The following LRRFIP1 variants were observed in gnomAD, a reference collection of about 807,000 sequenced individuals.
LRRFIP1 encodes the protein leucine-rich repeat flightless-interacting protein 1.
A neutral mutation model predicts 104.4 loss-of-function variants in LRRFIP1; 62 were observed. The observed-to-expected ratio is 0.59, with a 90% confidence interval of 0.48 to 0.73. LRRFIP1 has a LOEUF of 0.73. Ranked by LOEUF, LRRFIP1 falls within the 30% of genes least tolerant of loss-of-function variation. The pLI is 0.00. For synonymous variants in LRRFIP1, 300 were observed against 299.0 expected, an observed-to-expected ratio of 1.00 and a Z score of -0.03; for missense variants, 796 against 824.5, an observed-to-expected ratio of 0.97 and a Z score of 0.42.
chr2:237,631,263 G>T (rs766226346), intron 1 of LRRFIP1, among the ~76,000 whole-genome samples: 1 of 152,246 alleles, frequency 6.6e-6, no homozygotes, highest in Non-Finnish European at 1.5e-5. Flanking sequence ...TGGCAGGGAC[G>T]TGGGTTCCAG....
chr2:237,757,623 A>G (rs1458940078), intron 17 of LRRFIP1, 75 bp downstream of exon 17: 2 of 1,130,210 alleles, frequency 1.8e-6, no homozygotes, highest in African/African-American at 1.6e-5. Flanking sequence ...CAGAGTCTTT[A>G]GTTTGCAAAA....
At chr2:237,758,254 A>G (rs1204386574) in intron 17 of LRRFIP1, among the ~76,000 whole-genome samples, 1 of 145,932 alleles carries the variant, frequency 6.9e-6, no homozygotes, top group Non-Finnish European at 1.5e-5. Flanking sequence ...GTCTGCATGC[A>G]CGCACACTTT....
At chr2:237,650,008 G>A (rs1263321386) in intron 1 of LRRFIP1, among the ~76,000 whole-genome samples, 1 of 152,038 alleles carries the variant, frequency 6.6e-6, no homozygotes, top group African/African-American at 2.4e-5. Context: ...CCGGGCACTG[G>A]GGACACTGTA....
At chr2:237,719,418 C>A in intron 4 of LRRFIP1, 105 bp from the exon 5 acceptor site, 1 of 695,928 alleles carries the variant, frequency 1.4e-6, no homozygotes, top group Non-Finnish European at 2.5e-6. Flanking sequence ...ACATTTAGAT[C>A]AGAACTGCTG....
chr2:237,716,041 C>A (rs912382808), intron 3 of LRRFIP1, among the ~76,000 whole-genome samples: 21 of 152,178 alleles, frequency 1.4e-4, no homozygotes, highest in African/African-American at 4.8e-4. Flanking sequence ...AAAAAGAAAT[C>A]TATGAAAACA....
At chr2:237,727,462 CAT>C (rs1263687050) in intron 7 of LRRFIP1, among the ~76,000 whole-genome samples, 1 of 152,072 alleles carries the variant, frequency 6.6e-6, no homozygotes, top group Non-Finnish European at 1.5e-5. Flanking sequence ...ACTGAAAACT[CAT>C]TGACTCAGGC....
intron 1 of LRRFIP1, 30 bp downstream of exon 1, chr2:237,627,770 C>A: frequency 8.3e-7 from 1 of 1,200,618 alleles, no homozygotes; most frequent in South Asian, 2.8e-5. Flanking sequence ...AGCCGGGGGG[C>A]GCCGGGCGGG....
intron 11 of LRRFIP1, among the ~76,000 whole-genome samples, chr2:237,742,588 C>G (rs1280787581): frequency 2.6e-5 from 4 of 152,204 alleles, no homozygotes. Context: ...CCATAATTTC[C>G]AAAACTCATG....
At chr2:237,776,967 C>T (rs2061148095) in intron 23 of LRRFIP1, among the ~76,000 whole-genome samples, 1 of 151,982 alleles carries the variant, frequency 6.6e-6, no homozygotes, top group South Asian at 2.1e-4. Flanking sequence ...TTTTCTCTTG[C>T]CAAATTTAAA....
intron 5 of LRRFIP1, among the ~76,000 whole-genome samples, chr2:237,720,294 C>T (rs2094494249): frequency 6.6e-6 from 1 of 151,024 alleles, no homozygotes; most frequent in Admixed American, 6.6e-5. Flanking sequence ...ATTGCCCAGG[C>T]TGGAGTGTAG....
intron 9 of LRRFIP1, among the ~76,000 whole-genome samples, chr2:237,734,874 C>T (rs2095181121): frequency 6.6e-6 from 1 of 152,136 alleles, no homozygotes; most frequent in South Asian, 2.1e-4. Context: ...TATTTTATCC[C>T]AAAGTCACTT....
Position 237,751,148 on chromosome 2 carries a change from G to A in LRRFIP1, c.796-52G>A, listed in dbSNP as rs962150079. 1.0e-5 allele frequency: 13 copies of A among 1,271,872 alleles called. No homozygotes were observed. In the Admixed American group the frequency reaches 2.4e-4, roughly 24 times the overall value. The allele number at this position is 1,271,872 out of a possible 1,614,324, so 78.8% of individuals were successfully genotyped here. ...TACCCTGAAGTATAAAAGATTTAGG[G>A]AATCACCTGTTTTCCCTTGACATCA... On this transcript the variant is annotated intron_variant, in intron 13 of 23. Coordinates refer to ENST00000308482, the MANE Select transcript of LRRFIP1 (RefSeq NM_001137550.2).
intron 20 of LRRFIP1, 75 bp from the exon 21 acceptor site, chr2:237,772,006 A>G: frequency 1.0e-6 from 1 of 995,910 alleles, no homozygotes; most frequent in Non-Finnish European, 1.6e-6. Context: ...TTCCTTTCTG[A>G]TGGGCTCTAA....
intron 3 of LRRFIP1, among the ~76,000 whole-genome samples, chr2:237,715,942 A>G (rs533488126): frequency 8.5e-5 from 13 of 152,348 alleles, no homozygotes; most frequent in African/African-American, 3.1e-4. Context: ...GTAGCCACTT[A>G]TAAGACCACC....
intron 1 of LRRFIP1, among the ~76,000 whole-genome samples, chr2:237,681,840 C>T (rs1356266988): frequency 1.5e-4 from 22 of 150,216 alleles, no homozygotes; most frequent in African/African-American, 4.2e-4. Flanking sequence ...CCACTACGCC[C>T]GGCTAATTTT....
chr2:237,662,153 C>T (rs1406422888), intron 1 of LRRFIP1, among the ~76,000 whole-genome samples: 2 of 119,270 alleles, frequency 1.7e-5, no homozygotes, highest in South Asian at 2.3e-4. Context: ...AGCCCTCGGC[C>T]CTCTGGCTTG....
intron 6 of LRRFIP1, chr2:237,721,437 A>G (rs1246994079): frequency 6.6e-6 from 1 of 152,262 alleles, no homozygotes; most frequent in Non-Finnish European, 1.5e-5. Context: ...TAATAATTAT[A>G]CTTGAAAAAA....
At chr2:237,665,725 A>G (rs1295013064) in intron 1 of LRRFIP1, among the ~76,000 whole-genome samples, 1 of 152,148 alleles carries the variant, frequency 6.6e-6, no homozygotes, top group Non-Finnish European at 1.5e-5. Flanking sequence ...GCTGTTTTTG[A>G]ATTTGAAACT....
At chr2:237,712,265 T>C (rs1222229461) in intron 2 of LRRFIP1, among the ~76,000 whole-genome samples, 2 of 152,202 alleles carry the variant, frequency 1.3e-5, no homozygotes, top group Non-Finnish European at 2.9e-5. Context: ...GTGGTCTTCC[T>C]AGCTCACCCC....
Sources: allele counts gnomAD v4.1 joint callset (sites outside exome capture counted in the v4.1 genomes callset), GRCh38; gene constraint gnomAD v4.1.1; transcripts MANE v1.5; gene names NCBI Gene and HGNC (gene_info 2026-07-23, HGNC 2026-07-21).